Variants in TRAF2 observed in about 807,000 individuals in gnomAD.
TRAF2 encodes TNF receptor-associated factor 2.
TRAF2 carries 6 observed loss-of-function variants against 55.6 expected under a neutral mutation model. The ratio of observed to expected loss-of-function variants is 0.11; its 90% CI spans 0.06 to 0.21. The LOEUF is 0.21. Ranked by LOEUF, TRAF2 falls within the 10% of genes least tolerant of loss-of-function variation. The pLI is 1.00. For missense variants in TRAF2, 561 were observed against 684.5 expected, an observed-to-expected ratio of 0.82 and a Z score of 2.01; for synonymous variants, 329 against 276.3, an observed-to-expected ratio of 1.19 and a Z score of -1.89.
At chr9:136,912,104 C>T (rs1351920539) in intron 6 of TRAF2, among the ~76,000 whole-genome samples, 3 of 149,008 alleles carry the variant, frequency 2.0e-5, no homozygotes, top group African/African-American at 7.4e-5. Flanking sequence ...CTGCCCACCT[C>T]GGCTCCCAAA....
intron 10 of TRAF2, among the ~76,000 whole-genome samples, chr9:136,924,887 C>CCT (rs1564423890): frequency 6.6e-5 from 10 of 151,952 alleles, no homozygotes; most frequent in African/African-American, 2.4e-4. Context: ...TACAGGCATG[C>CCT]ACCACCACGC....
chr9:136,913,262 G>A (rs7872595), intron 6 of TRAF2, among the ~76,000 whole-genome samples: 116,923 of 149,588 alleles, frequency 0.78, 46,162 homozygotes, highest in African/African-American at 0.89. Flanking sequence ...ATGAAGATGT[G>A]GGGTCCACAT....
rs187100963 is a variant in TRAF2 at position 136,893,955 on chromosome 9, G to A, written c.-28-4758G>A. On this transcript the variant is annotated intron_variant, in intron 1 of 10. Coordinates refer to ENST00000247668, the MANE Select transcript of TRAF2 (RefSeq NM_021138.4). ...ACTAGAGATGGGGTTTCACCATGTT[G>A]GTCGGGCTGGTCTCAAACTCCTGAC... is the stretch of plus-strand genomic sequence containing the variant. Among the ~76,000 whole-genome samples the A allele has an allele frequency of 5.9e-4, 90 of 151,612 alleles. 1 individual carries two copies. The highest frequency in any genetic ancestry group is 6.6e-4 in the Admixed American group (10 of 15,204).
intron 6 of TRAF2, 64 bp from the exon 7 acceptor site, chr9:136,916,477 A>G: frequency 9.1e-6 from 14 of 1,530,574 alleles, no homozygotes; most frequent in Non-Finnish European, 1.2e-5. Flanking sequence ...AGTGTGGTCC[A>G]TGTGGAAGTG....
chr9:136,888,414 G>C (rs1849501952), intron 1 of TRAF2, among the ~76,000 whole-genome samples: 1 of 152,138 alleles, frequency 6.6e-6, no homozygotes, highest in Non-Finnish European at 1.5e-5. Context: ...CTGGGTGACA[G>C]AGCGAGACTC....
At chr9:136,911,640 C>T (rs931907161) in intron 6 of TRAF2, among the ~76,000 whole-genome samples, 3 of 152,076 alleles carry the variant, frequency 2.0e-5, no homozygotes. Context: ...GAGAATGAAT[C>T]TCTTGGGCCC....
chr9:136,896,214 A>G (rs927358611), intron 1 of TRAF2, among the ~76,000 whole-genome samples: 1 of 152,132 alleles, frequency 6.6e-6, no homozygotes, highest in African/African-American at 2.4e-5. Flanking sequence ...AGGGGCCGGG[A>G]CTGGGGACAG....
At chr9:136,917,001 A>C (rs1014109348) in intron 7 of TRAF2, among the ~76,000 whole-genome samples, 4 of 152,066 alleles carry the variant, frequency 2.6e-5, no homozygotes, top group African/African-American at 9.7e-5. Context: ...ACTCTAACCC[A>C]GCGGCTGTCG....
chr9:136,907,939 C>A, intron 4 of TRAF2, 131 bp from the exon 5 acceptor site: 2 of 1,166,418 alleles, frequency 1.7e-6, no homozygotes, highest in Non-Finnish European at 2.4e-6. Flanking sequence ...GAGCTATCTG[C>A]AGAGGGCGGC....
At chr9:136,896,544 G>A (rs1310945964) in intron 1 of TRAF2, among the ~76,000 whole-genome samples, 1 of 152,208 alleles carries the variant, frequency 6.6e-6, no homozygotes, top group East Asian at 1.9e-4. Context: ...GGGCCAGCAC[G>A]TGTGAACAAT....
rs180896206 is a variant in TRAF2, at chr9:136,924,876, C to T, written c.1288-807C>T. Among the ~76,000 whole-genome samples the T allele has an allele frequency of 3.4e-3, 512 of 152,090 alleles. 8 individuals carry two copies. Among genetic ancestry groups the T allele is most frequent in the Admixed American group, 0.018 (271 of 15,294 alleles). On this transcript the variant is annotated intron_variant, in intron 10 of 10. Coordinates refer to ENST00000247668, the MANE Select transcript of TRAF2 (RefSeq NM_021138.4). ...GCCTCAGCCTCCTGAGTAGCTGGGA[C>T]TACAGGCATGCACCACCACGCCCAG...
chr9:136,909,129 TAG>T (rs1850035545), intron 5 of TRAF2, among the ~76,000 whole-genome samples: 1 of 149,944 alleles, frequency 6.7e-6, no homozygotes, highest in Non-Finnish European at 1.5e-5. Context: ...ATGCATCAGG[TAG>T]AGAGTGCGGT....
chr9:136,905,974 G>A (rs952315211), intron 4 of TRAF2, among the ~76,000 whole-genome samples: 11 of 152,148 alleles, frequency 7.2e-5, no homozygotes, highest in African/African-American at 1.9e-4. Context: ...GTGTGGTGGC[G>A]GGCGCCCGTA....
chr9:136,911,995 G>T (rs1185169112), intron 6 of TRAF2, among the ~76,000 whole-genome samples: 1 of 150,196 alleles, frequency 6.7e-6, no homozygotes, highest in Non-Finnish European at 1.5e-5. Context: ...GACTACAGGC[G>T]CCTGCCACCA....
At chr9:136,882,394 G>A (rs1849385199), upstream of TRAF2, among the ~76,000 whole-genome samples, 4 of 152,354 alleles carry the variant, frequency 2.6e-5, no homozygotes, top group South Asian at 8.3e-4. Context: ...CCAGGCCAGT[G>A]AGTGGCTGGC....
chr9:136,896,729 C>G (rs940793368), intron 1 of TRAF2, among the ~76,000 whole-genome samples: 2 of 152,148 alleles, frequency 1.3e-5, no homozygotes, highest in Non-Finnish European at 2.9e-5. Flanking sequence ...CAACCTCAGC[C>G]TCCTGAGTAG....
intron 4 of TRAF2, among the ~76,000 whole-genome samples, chr9:136,906,066 C>A (rs575452495): frequency 6.6e-6 from 1 of 152,116 alleles, no homozygotes; most frequent in Non-Finnish European, 1.5e-5. Flanking sequence ...GAGCCGAGAT[C>A]GCGCCACTGC....
intron 6 of TRAF2, among the ~76,000 whole-genome samples, 197 bp from the exon 7 acceptor site, chr9:136,916,344 C>T (rs1424167922): frequency 6.6e-6 from 1 of 152,020 alleles, no homozygotes; most frequent in East Asian, 1.9e-4. Context: ...GCACAGTGTG[C>T]ATGTTTGCAC....
At chr9:136,897,929 A>C (rs1172484966) in intron 1 of TRAF2, among the ~76,000 whole-genome samples, 2 of 138,896 alleles carry the variant, frequency 1.4e-5, no homozygotes, top group African/African-American at 5.5e-5. Flanking sequence ...TGCACTAGCC[A>C]GCCTCAGGTG....
Sources: gnomAD v4.1 joint callset for allele counts (sites outside exome capture counted in the v4.1 genomes callset) on GRCh38, gnomAD v4.1.1 for gene constraint, MANE v1.5 for transcripts, NCBI Gene and HGNC (gene_info 2026-07-23, HGNC 2026-07-21) for gene names.